The following ALDH8A1 variants were observed in gnomAD, a reference collection of about 807,000 sequenced individuals.
ALDH8A1 encodes the protein 2-aminomuconic semialdehyde dehydrogenase.
ALDH8A1 carries 39 observed loss-of-function variants against 43.3 expected under a neutral mutation model. That is an observed-to-expected ratio of 0.90 (90% CI 0.70 to 1.18). The LOEUF is 1.18. Among genes scored for constraint, ALDH8A1 ranks in the 50% most tolerant of loss-of-function variants. ALDH8A1 has a pLI of 0.00. For synonymous variants in ALDH8A1, 233 were observed against 243.5 expected (o/e 0.96, Z 0.40); for missense variants, 605 against 622.6 (o/e 0.97, Z 0.30).
rs1289993125 is a variant in ALDH8A1 at position 134,946,786 on chromosome 6, GCGCACAGGTGCGCATGTGTGCGTGCA to G, written c.139-2846_139-2821del. Among the ~76,000 whole-genome samples, 629 of 150,146 alleles carry G rather than the reference GCGCACAGGTGCGCATGTGTGCGTGCA, an allele frequency of 4.2e-3. 3 individuals are homozygous for G. Among genetic ancestry groups the G allele is most frequent in the African/African-American group, 0.013 (522 of 39,730 alleles). On this transcript the variant is annotated intron_variant, in intron 1 of 6. Transcript: ENST00000265605. ...CACACAGGTGCGCATGTGTGCGCGC[GCGCACAGGTGCGCATGTGTGCGTGCA>G]CGCACAGGTGCACATGCCCATGGAT...
intron 6 of ALDH8A1, among the ~76,000 whole-genome samples, chr6:134,928,641 A>G (rs1004340391): frequency 2.6e-5 from 4 of 152,240 alleles, no homozygotes; most frequent in Non-Finnish European, 1.5e-5. Context: ...TCCCCCACTG[A>G]CTAAGGACGA....
intron 4 of ALDH8A1, 78 bp downstream of exon 4, chr6:134,939,188 C>A: frequency 1.3e-6 from 2 of 1,564,746 alleles, no homozygotes; most frequent in Non-Finnish European, 8.7e-7. Context: ...ATCGATTGTG[C>A]TGCTGAGTGG....
chr6:134,924,055 C>T (rs564398041), intron 6 of ALDH8A1, among the ~76,000 whole-genome samples: 3 of 152,180 alleles, frequency 2.0e-5, no homozygotes, highest in South Asian at 2.1e-4. Flanking sequence ...AAGGGGAGCC[C>T]GAGGGAAACC....
At chr6:134,949,513 T>G (rs1345209784) in intron 1 of ALDH8A1, among the ~76,000 whole-genome samples, 1 of 152,234 alleles carries the variant, frequency 6.6e-6, no homozygotes, top group African/African-American at 2.4e-5. Context: ...TTTGTTTATT[T>G]TAGTAAAGCT....
intron 6 of ALDH8A1, among the ~76,000 whole-genome samples, chr6:134,921,666 A>C (rs955004112): frequency 2.0e-5 from 3 of 152,254 alleles, no homozygotes; most frequent in Admixed American, 2.0e-4. Context: ...ATGCAGAGGT[A>C]GGGCGGACAC....
chr6:134,946,669 T>C (rs1334547325), intron 1 of ALDH8A1, among the ~76,000 whole-genome samples: 2 of 152,228 alleles, frequency 1.3e-5, no homozygotes, highest in Non-Finnish European at 1.5e-5. Flanking sequence ...GTCAAAGCCA[T>C]AGATACCAAG....
intron 6 of ALDH8A1, among the ~76,000 whole-genome samples, chr6:134,921,806 A>G (rs768169936): frequency 2.0e-5 from 3 of 152,258 alleles, no homozygotes; most frequent in Non-Finnish European, 4.4e-5. Context: ...TTTCTGGGGT[A>G]ACATTAGGAA....
chr6:134,930,760 C>T (rs1034684232), intron 5 of ALDH8A1, among the ~76,000 whole-genome samples: 84 of 152,164 alleles, frequency 5.5e-4, no homozygotes, highest in African/African-American at 1.9e-3. Context: ...TTACCCAGTT[C>T]CCTGTTGCTC....
chr6:134,942,898 C>A (rs1384487084), intron 2 of ALDH8A1, among the ~76,000 whole-genome samples: 1 of 152,208 alleles, frequency 6.6e-6, no homozygotes, highest in African/African-American at 2.4e-5. Flanking sequence ...TTTGTACCTG[C>A]GACAAAGGCA....
chr6:134,946,395 T>C (rs974939213), intron 1 of ALDH8A1, among the ~76,000 whole-genome samples: 2 of 152,198 alleles, frequency 1.3e-5, no homozygotes, highest in African/African-American at 2.4e-5. Flanking sequence ...CTTTTTGCTA[T>C]TCAGAAAATT....
At chr6:134,928,609 C>T (rs1776925203) in intron 6 of ALDH8A1, among the ~76,000 whole-genome samples, 1 of 152,242 alleles carries the variant, frequency 6.6e-6, no homozygotes, top group South Asian at 2.1e-4. Flanking sequence ...TCAGTGGTTT[C>T]TTCCAGATGG....
intron 2 of ALDH8A1, among the ~76,000 whole-genome samples, chr6:134,943,430 C>A (rs1238252015): frequency 6.6e-6 from 1 of 152,178 alleles, no homozygotes; most frequent in Non-Finnish European, 1.5e-5. Flanking sequence ...GACTGCATAA[C>A]TGCTTTTCAA....
chr6:134,919,616 T>G (rs1776763276), intron 6 of ALDH8A1, among the ~76,000 whole-genome samples: 1 of 152,180 alleles, frequency 6.6e-6, no homozygotes, highest in African/African-American at 2.4e-5. Flanking sequence ...AAGTCACAAT[T>G]ATATGTTTTT....
intron 4 of ALDH8A1, 139 bp from the exon 5 acceptor site, chr6:134,933,171 T>G (rs938082117): frequency 7.1e-6 from 7 of 981,920 alleles, no homozygotes; most frequent in Non-Finnish European, 9.9e-6. Flanking sequence ...TTACAACACT[T>G]GGAACTTCTA....
chr6:134,935,324 A>G (rs1773714993), intron 4 of ALDH8A1, among the ~76,000 whole-genome samples: 1 of 152,228 alleles, frequency 6.6e-6, no homozygotes, highest in Non-Finnish European at 1.5e-5. Context: ...AGGTAGTTTT[A>G]TTACACTTAG....
intron 4 of ALDH8A1, among the ~76,000 whole-genome samples, chr6:134,933,269 T>C (rs1347628901): frequency 6.6e-6 from 1 of 152,178 alleles, no homozygotes; most frequent in African/African-American, 2.4e-5. Flanking sequence ...CTGGATGCTT[T>C]GCCCTAGAGA....
intron 4 of ALDH8A1, among the ~76,000 whole-genome samples, chr6:134,937,744 G>A (rs1018415007): frequency 1.3e-5 from 2 of 152,196 alleles, no homozygotes; most frequent in African/African-American, 4.8e-5. Context: ...GAAGTATGTC[G>A]CGCCTTTGCA....
rs746655688 is a variant in ALDH8A1, at chr6:134,932,906, G to C, written c.719C>G (p.Thr240Ser). The C allele has an allele frequency of 2.8e-5, 46 of 1,614,108 alleles. No homozygotes were observed. Among genetic ancestry groups the C allele is most frequent in the Admixed American group, 1.3e-4 (8 of 60,010 alleles). The change falls in exon 5 of 7, where the codon ACC (threonine) becomes AGC (serine). Residue 240 changes from threonine to serine, a missense_variant. Coordinates refer to ENST00000265605, the MANE Select transcript of ALDH8A1 (RefSeq NM_022568.4). ...TGSQPTAERITQLSAPHCKKL... is the reference protein window; with the variant it reads ...TGSQPTAERISQLSAPHCKKL... ...TTTGCAGTGGGGAGCGCTCAGCTGG[G>C]TGATCCGCTCAGCGGTGGGCTGGCT... is the stretch of plus-strand genomic sequence containing the variant.
At chr6:134,943,789 C>T in intron 2 of ALDH8A1, 30 bp downstream of exon 2, 1 of 1,609,326 alleles carries the variant, frequency 6.2e-7, no homozygotes, top group Non-Finnish European at 8.5e-7. Context: ...TGCCCTGAGT[C>T]CCATGTTACA....
Sources: allele counts gnomAD v4.1 joint callset (sites outside exome capture counted in the v4.1 genomes callset), GRCh38; gene constraint gnomAD v4.1.1; transcripts MANE v1.5; gene names NCBI Gene and HGNC (gene_info 2026-07-23, HGNC 2026-07-21).